The following ARHGEF6 variants were observed in gnomAD, a reference collection of about 807,000 sequenced individuals.
ARHGEF6 encodes rho guanine nucleotide exchange factor 6.
In ARHGEF6, 9 loss-of-function variants were observed where a neutral mutation model predicts 70.3. The observed-to-expected ratio is 0.13, with a 90% CI of 0.08 to 0.22. ARHGEF6 has a LOEUF of 0.22. Among genes scored for constraint, ARHGEF6 ranks in the 10% least tolerant of loss-of-function variants. ARHGEF6 has a pLI of 1.00. For missense variants in ARHGEF6, 470 were observed against 563.0 expected (o/e 0.83, Z 1.67); for synonymous variants, 201 against 207.8 (o/e 0.97, Z 0.28).
chrX:136,766,776 A>G (rs949924503), intron 2 of ARHGEF6, among the ~76,000 whole-genome samples: 2 of 112,499 alleles, frequency 1.8e-5, no homozygotes, highest in Non-Finnish European at 3.8e-5. Context: ...ACATCTCCAA[A>G]TGTATGGATG....
chrX:136,733,121 CT>C (rs201323340), intron 5 of ARHGEF6, among the ~76,000 whole-genome samples: 4 of 107,039 alleles, frequency 3.7e-5, no homozygotes, highest in South Asian at 4.0e-4. Context: ...GACATTCTTT[CT>C]TTTTTTTTAA....
intron 1 of ARHGEF6, 33 bp from the exon 2 acceptor site, chrX:136,779,530 T>C: frequency 8.6e-7 from 1 of 1,156,860 alleles, no homozygotes; most frequent in Non-Finnish European, 1.2e-6. Flanking sequence ...CACTTGGAGA[T>C]TGTCATCCCA....
At chrX:136,724,958 C>T (rs1397407301) in intron 6 of ARHGEF6, among the ~76,000 whole-genome samples, 1 of 112,152 alleles carries the variant, frequency 8.9e-6, no homozygotes, top group Non-Finnish European at 1.9e-5. Flanking sequence ...TTAAAACAAA[C>T]ACTACTTTAA....
intron 15 of ARHGEF6, among the ~76,000 whole-genome samples, chrX:136,680,017 T>G (rs2076317898): frequency 8.9e-6 from 1 of 112,349 alleles, no homozygotes; most frequent in South Asian, 3.7e-4. Flanking sequence ...GGTTATTTCA[T>G]GAGAACAGCC....
chrX:136,780,175 G>A (rs2077436197), intron 1 of ARHGEF6, among the ~76,000 whole-genome samples: 1 of 111,710 alleles, frequency 9.0e-6, no homozygotes, highest in Non-Finnish European at 1.9e-5. Flanking sequence ...CACTTTGAAC[G>A]CACATTGCAT....
chrX:136,716,837 G>A (rs939035088), intron 6 of ARHGEF6, among the ~76,000 whole-genome samples: 1 of 112,241 alleles, frequency 8.9e-6, no homozygotes, highest in African/African-American at 3.2e-5. Context: ...GCCTGCACAT[G>A]ATGGACTCAA....
chrX:136,774,511 C>T (rs1171330533), intron 2 of ARHGEF6, among the ~76,000 whole-genome samples: 1 of 108,039 alleles, frequency 9.3e-6, no homozygotes. Context: ...ATTAGCCGGG[C>T]GTGGTGGCGC....
intron 2 of ARHGEF6, among the ~76,000 whole-genome samples, chrX:136,759,486 C>T (rs2077244055): frequency 9.0e-6 from 1 of 110,520 alleles, no homozygotes; most frequent in Non-Finnish European, 1.9e-5. Context: ...AAAAATTAGC[C>T]GGACATAGTG....
Position 136,676,731 on chromosome X carries a change from G to A in ARHGEF6, c.1852-14C>T. The A allele has an allele frequency of 8.9e-7, 1 of 1,128,563 alleles. No individual in the cohort carries two copies. The highest frequency in any genetic ancestry group is 2.4e-4 in the Middle Eastern group (1 of 4,143). 93.0% of individuals were successfully genotyped at this position (1,128,563 alleles called of 1,213,427 possible). A position where few individuals can be genotyped will look rare whatever the true frequency, so the allele number is the denominator to read the frequency against. On this transcript the variant is annotated splice_polypyrimidine_tract_variant and intron_variant, in intron 17 of 21. Coordinates refer to ENST00000250617, the MANE Select transcript of ARHGEF6 (RefSeq NM_004840.3). Reference sequence around the variant, plus strand: ...TTTACTAGACTCCTGTGAGGACAGAGGTTTCTTAATGAATTAAAATTCTCC... The same window carrying A: ...TTTACTAGACTCCTGTGAGGACAGAAGTTTCTTAATGAATTAAAATTCTCC...
Position 136,684,721 on chromosome X carries a change from A to G in ARHGEF6, c.1392+956T>C, listed in dbSNP as rs2076366700. ...CCCAGATATCTACAGGTCTAAAATT[A>G]TATTCTTCATCTCCTCTAACCCAGG... On this transcript the variant is annotated intron_variant, in intron 12 of 21. Transcript: ENST00000250617. Among the ~76,000 whole-genome samples the G allele has an allele frequency of 2.7e-5, 3 of 110,836 alleles. No individual in the cohort carries two copies. In the South Asian group the frequency reaches 1.2e-3, roughly 43 times the overall value.
chrX:136,759,577 C>T, intron 2 of ARHGEF6, among the ~76,000 whole-genome samples: 1 of 107,518 alleles, frequency 9.3e-6, no homozygotes, highest in Middle Eastern at 4.7e-3. Context: ...TTACAGTGAG[C>T]CAAAATCGCA....
intron 6 of ARHGEF6, among the ~76,000 whole-genome samples, chrX:136,722,462 A>G (rs931589547): frequency 1.8e-5 from 2 of 112,171 alleles, no homozygotes; most frequent in African/African-American, 6.5e-5. Flanking sequence ...TAGAACTATT[A>G]CAACTCAACA....
chrX:136,734,145 AAAT>A (rs2076962942), intron 5 of ARHGEF6, among the ~76,000 whole-genome samples: 1 of 111,937 alleles, frequency 8.9e-6, no homozygotes, highest in African/African-American at 3.3e-5. Context: ...GGTAGAGTGA[AAAT>A]AAGGCAGAAA....
intron 9 of ARHGEF6, among the ~76,000 whole-genome samples, chrX:136,701,785 G>A (rs772653582): frequency 1.4e-4 from 13 of 94,935 alleles, no homozygotes; most frequent in Admixed American, 5.3e-4. Context: ...TTGGCTCACT[G>A]CAAGCTCCGC....
intron 7 of ARHGEF6, among the ~76,000 whole-genome samples, chrX:136,710,809 A>G (rs1306974972): frequency 1.8e-5 from 2 of 111,414 alleles, no homozygotes; most frequent in East Asian, 5.6e-4. Context: ...ACCAGTAAGA[A>G]AAAAAAACAA....
intron 1 of ARHGEF6, 148 bp downstream of exon 1, chrX:136,780,570 C>T (rs1255718167): frequency 9.8e-6 from 6 of 614,114 alleles, no homozygotes; most frequent in Non-Finnish European, 1.6e-5. Flanking sequence ...TTTCAAACTA[C>T]AAAAACAGTA....
chrX:136,750,998 T>A (rs2077145064), intron 2 of ARHGEF6, among the ~76,000 whole-genome samples: 1 of 110,474 alleles, frequency 9.1e-6, no homozygotes. Context: ...TTTGTTTTTG[T>A]TTTTGTTTTT....
chrX:136,725,999 T>C (rs921879949), intron 6 of ARHGEF6, among the ~76,000 whole-genome samples: 3 of 112,050 alleles, frequency 2.7e-5, no homozygotes, highest in Non-Finnish European at 3.8e-5. Context: ...AAAGAAATTA[T>C]TTTAAGAAAC....
At chrX:136,761,007 C>A (rs2077259030) in intron 2 of ARHGEF6, among the ~76,000 whole-genome samples, 2 of 111,754 alleles carry the variant, frequency 1.8e-5, no homozygotes, top group Non-Finnish European at 3.8e-5. Context: ...TTTTCAATAC[C>A]CAGAGGAATC....
Sources: gnomAD v4.1 joint callset for allele counts (sites outside exome capture counted in the v4.1 genomes callset) on GRCh38, gnomAD v4.1.1 for gene constraint, MANE v1.5 for transcripts, NCBI Gene and HGNC (gene_info 2026-07-23, HGNC 2026-07-21) for gene names.